EHD3: variants seen among roughly 807,000 people sequenced by gnomAD.
EHD3 encodes the protein EH domain containing 3, also known as EH domain-containing protein 3.
Under a neutral mutation model 43.0 loss-of-function variants are expected in EHD3, and 17 were observed. The ratio of observed to expected loss-of-function variants is 0.40; its 90% CI spans 0.27 to 0.59. EHD3 has a LOEUF of 0.59. Among genes scored for constraint, EHD3 ranks in the 20% least tolerant of loss-of-function variants. The pLI, the probability that EHD3 is intolerant of heterozygous loss-of-function variation, is 0.49. For synonymous variants in EHD3, 313 were observed against 289.5 expected (o/e 1.08, Z -0.82); for missense variants, 594 against 705.6 (o/e 0.84, Z 1.79).
chr2:31,264,577 T>C (rs951122647), intron 5 of EHD3, among the ~76,000 whole-genome samples: 6 of 145,022 alleles, frequency 4.1e-5, no homozygotes, highest in Non-Finnish European at 7.5e-5. Flanking sequence ...ACTCTGTTGC[T>C]AGGCTAGAGT....
chr2:31,267,065 C>T lies in EHD3; in HGVS notation c.*361C>T, dbSNP rs547125375. 6.8e-5 allele frequency: 16 copies of T among 234,834 alleles called. No individual in the cohort carries two copies. The highest frequency in any genetic ancestry group is 6.0e-4 in the South Asian group (4 of 6,632). The allele number at this position is 234,834 out of a possible 1,614,324, so 14.5% of individuals were successfully genotyped here. A position where few individuals can be genotyped will look rare whatever the true frequency, so the allele number is the denominator to read the frequency against. On this transcript the variant is annotated 3_prime_UTR_variant, in exon 6 of 6. Coordinates refer to ENST00000322054, the MANE Select transcript of EHD3 (RefSeq NM_014600.3). ...CCAGATTCCCCAGTGCTTCCACACC[C>T]GGGCTCTGAGCAAATGGAAAAGACT...
At chr2:31,250,188 A>G (rs1244238894) in intron 3 of EHD3, among the ~76,000 whole-genome samples, 1 of 152,132 alleles carries the variant, frequency 6.6e-6, no homozygotes, top group African/African-American at 2.4e-5. Flanking sequence ...TTAAGATAAA[A>G]AGCCTTTTCT....
In EHD3 at chr2:31,266,574, A is replaced by G; in HGVS notation, c.1478A>G (p.Asp493Gly). The G allele has an allele frequency of 6.2e-7, 1 of 1,614,144 alleles. No homozygotes were observed. Among genetic ancestry groups the G allele is most frequent in the Non-Finnish European group, 8.5e-7 (1 of 1,180,046 alleles). ...TGGAAGCTGGCCGACATTGACAAGG[A>G]TGGCATGCTGGACGACGACGAGTTT... ...KIWKLADIDK[D>G]GMLDDDEFAL... is the part of the protein sequence containing the mutation. Residue 493 changes from aspartate to glycine, a missense_variant, in exon 6 of 6, where the codon GAT becomes GGT. Asp to Gly is a moderately conservative substitution (Grantham distance 94). Around this residue, in one of 3 missense-constraint regions of EHD3, gnomAD observed 322 missense variants for 348.0 expected, o/e 0.93. Coordinates refer to ENST00000322054, the MANE Select transcript of EHD3 (RefSeq NM_014600.3). The surrounding 1 kb of genome is among the most constrained non-coding windows in gnomAD (Gnocchi z 5.1).
intron 2 of EHD3, among the ~76,000 whole-genome samples, chr2:31,247,548 C>T (rs1229093375): frequency 6.6e-6 from 1 of 152,098 alleles, no homozygotes; most frequent in Non-Finnish European, 1.5e-5. Flanking sequence ...CAGACATTGA[C>T]AAGGAAAGAA....
chr2:31,256,210 C>T (rs558426097), intron 3 of EHD3, among the ~76,000 whole-genome samples: 1 of 152,332 alleles, frequency 6.6e-6, no homozygotes, highest in African/African-American at 2.4e-5. Context: ...CATCCCATCT[C>T]ATAGAAACTA....
chr2:31,266,145 C>A lies in EHD3; in HGVS notation c.1081-32C>A, dbSNP rs1558653582. 2 of 1,581,746 alleles carry A rather than the reference C, an allele frequency of 1.3e-6. No homozygotes were observed. The highest frequency in any genetic ancestry group is 2.3e-5 in the South Asian group (2 of 86,136). On this transcript the variant is annotated intron_variant, in intron 5 of 5. Transcript: ENST00000322054. The surrounding 1 kb of genome is among the most constrained non-coding windows in gnomAD (Gnocchi z 5.1). ...ATGGAGGGCTCTCCTTTCATCGTATCCTATCTTCATCCTCTCTCCTCCTCT... is the reference window on the plus strand; with the variant it reads ...ATGGAGGGCTCTCCTTTCATCGTATACTATCTTCATCCTCTCTCCTCCTCT...
At chr2:31,242,075 G>C (rs962964939) in intron 1 of EHD3, among the ~76,000 whole-genome samples, 2 of 152,084 alleles carry the variant, frequency 1.3e-5, no homozygotes, top group African/African-American at 4.8e-5. Flanking sequence ...TCCAGGGCTG[G>C]CTGCCGAGGC....
chr2:31,256,275 T>A (rs922695499), intron 3 of EHD3, among the ~76,000 whole-genome samples: 1 of 152,142 alleles, frequency 6.6e-6, no homozygotes, highest in African/African-American at 2.4e-5. Context: ...ACAGCCAAGG[T>A]CACAGCTCAG....
At chr2:31,245,692 G>T (rs571244428) in intron 2 of EHD3, among the ~76,000 whole-genome samples, 5 of 146,442 alleles carry the variant, frequency 3.4e-5, no homozygotes, top group Admixed American at 2.7e-4. Context: ...CTCCCGAGTA[G>T]CTGGGATTAC....
intron 1 of EHD3, among the ~76,000 whole-genome samples, chr2:31,242,354 A>G (rs2148716254): frequency 6.6e-6 from 1 of 152,298 alleles, no homozygotes; most frequent in South Asian, 2.1e-4. Flanking sequence ...GTACAGAAGG[A>G]AGGCATTGAC....
intron 5 of EHD3, among the ~76,000 whole-genome samples, chr2:31,263,434 C>T (rs1683889726): frequency 1.3e-5 from 2 of 152,356 alleles, no homozygotes; most frequent in Middle Eastern, 3.4e-3. Flanking sequence ...ATGTAAACAG[C>T]TGTCCTGTGT....
Position 31,260,910 on chromosome 2 carries a change from C to A in EHD3, c.903C>A (p.Ala301=), listed in dbSNP as rs1683841378. 2 of 1,605,948 alleles carry A rather than the reference C, an allele frequency of 1.2e-6. No individual in the cohort carries two copies. Among genetic ancestry groups the A allele is most frequent in the African/African-American group, 2.7e-5 (2 of 74,794 alleles). Residue 301 remains alanine, a synonymous_variant, in exon 4 of 6, where the codon GCC becomes GCA. Transcript: ENST00000322054. This position sits in a 1 kb window ranked among gnomAD's most constrained non-coding sequence, Gnocchi z 4.6. ...LRKLNDLIKR[A]RLAKVHAYII... ...AGCTCAACGACCTCATCAAAAGGGC[C>A]AGGCTGGCCAAGGTGAGGCAGCCCC...
In EHD3 at chr2:31,266,645, C is replaced by G. The variant is rs914536512; in HGVS notation, c.1549C>G (p.Leu517Val). 1.2e-6 allele frequency: 2 copies of G among 1,613,362 alleles called. No individual in the cohort carries two copies. Among genetic ancestry groups the G allele is most frequent in the Admixed American group, 1.7e-5 (1 of 59,986 alleles). The change falls in exon 6 of 6, where the codon CTG (leucine) becomes GTG (valine). Residue 517 changes from leucine (L) to valine (V), a missense_variant. This residue lies in a region of EHD3 where 322 missense variants were observed against 348.0 expected (regional missense o/e 0.93). Transcript: ENST00000322054. This position sits in a 1 kb window ranked among gnomAD's most constrained non-coding sequence, Gnocchi z 5.1. Reference sequence around the variant, plus strand: ...CAAAGTCAAGCTGGAGGGGCACGAGCTGCCCAACGAGCTGCCTGCCCACCT... The same window carrying G: ...CAAAGTCAAGCTGGAGGGGCACGAGGTGCCCAACGAGCTGCCTGCCCACCT... ...LIKVKLEGHE[L>V]PNELPAHLLP...
intron 2 of EHD3, among the ~76,000 whole-genome samples, chr2:31,246,125 C>G (rs1013512822): frequency 1.4e-4 from 21 of 152,068 alleles, no homozygotes; most frequent in African/African-American, 4.6e-4. Flanking sequence ...GGGAATGAAG[C>G]TGAGGTCCCT....
At chr2:31,247,638 A>G (rs180746460) in intron 2 of EHD3, among the ~76,000 whole-genome samples, 2 of 152,286 alleles carry the variant, frequency 1.3e-5, no homozygotes, top group East Asian at 1.9e-4. Flanking sequence ...TTTTATTTCA[A>G]CAGACACCAG....
Position 31,268,407 on chromosome 2 carries a change from C to T in EHD3, c.*1703C>T, listed in dbSNP as rs1018825024. 3.9e-5 allele frequency: 6 copies of T among 152,644 alleles called. No individual in the cohort carries two copies. The highest frequency in any genetic ancestry group is 1.4e-4 in the African/African-American group (6 of 41,460). The allele number at this position is 152,644 out of a possible 1,614,324, so 9.5% of individuals were successfully genotyped here. A position where few individuals can be genotyped will look rare whatever the true frequency, so the allele number is the denominator to read the frequency against. On this transcript the variant is annotated 3_prime_UTR_variant, in exon 6 of 6. Coordinates refer to ENST00000322054, the MANE Select transcript of EHD3 (RefSeq NM_014600.3). ...TTATTCTTTGGTACCTGCCTGGCCA[C>T]AGAGCATCATTCAATGGAGGCTGAG...
intron 3 of EHD3, among the ~76,000 whole-genome samples, chr2:31,250,546 C>T (rs578165175): frequency 2.9e-4 from 44 of 152,244 alleles, no homozygotes; most frequent in African/African-American, 9.9e-4. Flanking sequence ...GGATTACAGG[C>T]GGGAACCACC....
At position 31,267,318 on chromosome 2, in the gene EHD3, A is replaced by G. The variant is rs977481222; in HGVS notation, c.*614A>G. ...AAACCTTGCTTTGAACTCTGCCAGTATTTCATTTTAAAGAATCCCAGAGCG... is the reference window on the plus strand; with the variant it reads ...AAACCTTGCTTTGAACTCTGCCAGTGTTTCATTTTAAAGAATCCCAGAGCG... On this transcript the variant is annotated 3_prime_UTR_variant, in exon 6 of 6. Transcript: ENST00000322054. 10 of 152,212 alleles carry G rather than the reference A, an allele frequency of 6.6e-5. No individual in the cohort carries two copies. Among genetic ancestry groups the G allele is most frequent in the African/African-American group, 2.4e-4 (10 of 41,432 alleles). The allele number at this position is 152,212 out of a possible 1,614,324, so 9.4% of individuals were successfully genotyped here.
At chr2:31,259,277 G>A (rs946204791) in intron 3 of EHD3, among the ~76,000 whole-genome samples, 2 of 152,136 alleles carry the variant, frequency 1.3e-5, no homozygotes, top group African/African-American at 2.4e-5. Context: ...ATCTTCATGC[G>A]ACTGCTGCTG....
Sources: gnomAD v4.1 joint callset for allele counts (sites outside exome capture counted in the v4.1 genomes callset) on GRCh38, gnomAD v4.1.1 for gene constraint, gnomAD v4.1.1 regional missense constraint, Gnocchi (gnomAD v3.1) non-coding constraint, MANE v1.5 for transcripts, NCBI Gene and HGNC (gene_info 2026-07-23, HGNC 2026-07-21) for gene names.